Variants in BRIP1 observed in about 807,000 individuals in gnomAD.
BRIP1 encodes the protein Fanconi anemia group J protein.
Under a neutral mutation model 119.7 loss-of-function variants are expected in BRIP1, and 88 were observed. The observed-to-expected ratio is 0.74, with a 90% CI of 0.62 to 0.88. The LOEUF is 0.88. BRIP1 is among the 40% of genes least tolerant of loss of function. The pLI is 0.00. For missense variants in BRIP1, 1,259 were observed against 1,455.4 expected, an observed-to-expected ratio of 0.87 and a Z score of 2.20; for synonymous variants, 443 against 496.5, an observed-to-expected ratio of 0.89 and a Z score of 1.43.
In BRIP1 at chr17:61,720,520, G is replaced by A. The variant is rs1490133906; in HGVS notation, c.2380-4457C>T. On this transcript the variant is annotated intron_variant, in intron 16 of 19. Coordinates refer to ENST00000259008, the MANE Select transcript of BRIP1 (RefSeq NM_032043.3). The surrounding 1 kb of genome is among the most constrained non-coding windows in gnomAD (Gnocchi z 4.3). Reference sequence around the variant, plus strand: ...TTTAAGTTAACTGCGGTCAACTGTGGTCCAAAAATATTAAATAAAAAATTC... The same window carrying A: ...TTTAAGTTAACTGCGGTCAACTGTGATCCAAAAATATTAAATAAAAAATTC... 6.6e-6 allele frequency among the ~76,000 whole-genome samples: 1 copy of A among 152,128 alleles called. No individual in the cohort carries two copies. Among genetic ancestry groups the A allele is most frequent in the African/African-American group, 2.4e-5 (1 of 41,418 alleles).
intron 17 of BRIP1, among the ~76,000 whole-genome samples, chr17:61,712,040 G>A (rs201089029): frequency 2.6e-5 from 4 of 151,880 alleles, no homozygotes; most frequent in Non-Finnish European, 2.9e-5. Context: ...ATGTCTAAGC[G>A]ATACACAAAT....
At chr17:61,784,217 T>A (rs2077665879) in intron 11 of BRIP1, 53 bp downstream of exon 11, 1 of 1,534,614 alleles carries the variant, frequency 6.5e-7, no homozygotes, top group Non-Finnish European at 9.0e-7. Context: ...CATGCTAGCA[T>A]CCAAATTAGG....
rs1357720469 is a variant in BRIP1 at position 61,828,848 on chromosome 17, G to A, written c.627+18253C>T. ...CAAAAATGGCACAAAACATGGGAGAGTAGACACGGAAGTATATTGGCAGAA... is the reference window on the plus strand; with the variant it reads ...CAAAAATGGCACAAAACATGGGAGAATAGACACGGAAGTATATTGGCAGAA... On this transcript the variant is annotated intron_variant, in intron 6 of 19. Transcript: ENST00000259008. This position sits in a 1 kb window ranked among gnomAD's most constrained non-coding sequence, Gnocchi z 4.1. Among the ~76,000 whole-genome samples the A allele has an allele frequency of 6.6e-6, 1 of 152,154 alleles. No individual in the cohort carries two copies. Among genetic ancestry groups the A allele is most frequent in the Non-Finnish European group, 1.5e-5 (1 of 68,014 alleles).
chr17:61,777,961 C>G (rs1001374737), intron 13 of BRIP1, among the ~76,000 whole-genome samples: 1 of 152,128 alleles, frequency 6.6e-6, no homozygotes, highest in African/African-American at 2.4e-5. Context: ...GATCCTGATG[C>G]TACCTAGGAG....
rs1234720528 is a variant in BRIP1, at chr17:61,805,001, T to C, written c.918+3466A>G. On this transcript the variant is annotated intron_variant, in intron 7 of 19. Transcript: ENST00000259008. The surrounding 1 kb of genome is among the most constrained non-coding windows in gnomAD (Gnocchi z 5.6). The stretch of plus-strand genomic sequence containing the variant: ...GTGTGTGTGTGTGTGTGTGTGTGTG[T>C]AAAATTAAATTGTATTTGTATACGT... Among the ~76,000 whole-genome samples, 1 of 141,352 alleles carries C rather than the reference T, an allele frequency of 7.1e-6. No homozygotes were observed. Among genetic ancestry groups the C allele is most frequent in the Non-Finnish European group, 1.5e-5 (1 of 64,716 alleles). The allele number at this position is 141,352 out of a possible 152,430, so 92.7% of individuals were successfully genotyped here.
In BRIP1 at chr17:61,717,087, A is replaced by C. The variant is rs1213638564; in HGVS notation, c.2380-1024T>G. Among the ~76,000 whole-genome samples, 1 of 152,114 alleles carries C rather than the reference A, an allele frequency of 6.6e-6. No homozygotes were observed. The highest frequency in any genetic ancestry group is 2.4e-5 in the African/African-American group (1 of 41,448). On this transcript the variant is annotated intron_variant, in intron 16 of 19. Transcript: ENST00000259008. The surrounding 1 kb of genome is among the most constrained non-coding windows in gnomAD (Gnocchi z 4.1). ...ATCTTTTAATTTTAAATAAGTTTATAATTTTGAAATAAGTTTAGATTTACA... is the reference window on the plus strand; with the variant it reads ...ATCTTTTAATTTTAAATAAGTTTATCATTTTGAAATAAGTTTAGATTTACA...
intron 9 of BRIP1, among the ~76,000 whole-genome samples, chr17:61,797,518 A>G (rs2077919509): frequency 6.6e-6 from 1 of 152,058 alleles, no homozygotes; most frequent in Non-Finnish European, 1.5e-5. Context: ...CACTGCTAAG[A>G]TCGATGAGGG....
In BRIP1 at chr17:61,806,377, G is replaced by A. The variant is rs925772799; in HGVS notation, c.918+2090C>T. Among the ~76,000 whole-genome samples, 4 of 152,260 alleles carry A rather than the reference G, an allele frequency of 2.6e-5. No individual in the cohort carries two copies. Among genetic ancestry groups the A allele is most frequent in the South Asian group, 2.1e-4 (1 of 4,816 alleles). ...AGAAAGAGGATGTTCATGTATGCCC[G>A]TGAGGTAAGCATTCTGAGGCAGAAT... On this transcript the variant is annotated intron_variant, in intron 7 of 19. Coordinates refer to ENST00000259008, the MANE Select transcript of BRIP1 (RefSeq NM_032043.3). The surrounding 1 kb of genome is among the most constrained non-coding windows in gnomAD (Gnocchi z 4.9).
rs1198053489 is a variant in BRIP1, at chr17:61,717,708, T to C, written c.2380-1645A>G. Among the ~76,000 whole-genome samples, 3 of 152,130 alleles carry C rather than the reference T, an allele frequency of 2.0e-5. No individual in the cohort carries two copies. The highest frequency in any genetic ancestry group is 6.5e-5 in the Admixed American group (1 of 15,270). ...TAAGCTTCTTGGACCTGTGGGCTTA[T>C]AGTTTCTATCAAACTTGAAAAATTT... On this transcript the variant is annotated intron_variant, in intron 16 of 19. Transcript: ENST00000259008. The surrounding 1 kb of genome is among the most constrained non-coding windows in gnomAD (Gnocchi z 4.1).
At chr17:61,732,637 T>TA (rs541470292) in intron 16 of BRIP1, among the ~76,000 whole-genome samples, 1 of 152,116 alleles carries the variant, frequency 6.6e-6, no homozygotes, top group Non-Finnish European at 1.5e-5. Flanking sequence ...ATTAAGCTCT[T>TA]AAAAAAAGTT....
rs786201701 is a variant in BRIP1 at position 61,784,346 on chromosome 17, C to T, written c.1552G>A (p.Val518Ile). ...ATTATTTGAGTTGATGCACTAATAACAGGTACTTCTCTTGCCTCCTCTTTA... is the reference window on the plus strand; with the variant it reads ...ATTATTTGAGTTGATGCACTAATAATAGGTACTTCTCTTGCCTCCTCTTTA... ...YGKEEAREVPVISASTQIMLK... is the reference protein window; with the variant it reads ...YGKEEAREVPIISASTQIMLK... The change falls in exon 11 of 20, where the codon GTT (valine) becomes ATT (isoleucine). Residue 518 changes from valine (V) to isoleucine (I), a missense_variant. By Grantham distance (29) the Val-to-Ile change is conservative. Around this residue, in one of 3 missense-constraint regions of BRIP1, gnomAD observed 753 missense variants for 891.8 expected, o/e 0.84. Coordinates refer to ENST00000259008, the MANE Select transcript of BRIP1 (RefSeq NM_032043.3). 4 of 1,613,090 alleles carry T rather than the reference C, an allele frequency of 2.5e-6. No individual in the cohort carries two copies. Among genetic ancestry groups the T allele is most frequent in the Middle Eastern group, 3.3e-4 (2 of 6,030 alleles).
rs79829619 is a variant in BRIP1 at position 61,756,998 on chromosome 17, G to C, written c.2098-12407C>G. Among the ~76,000 whole-genome samples the C allele has an allele frequency of 6.6e-6, 1 of 151,990 alleles. No homozygotes were observed. The highest frequency in any genetic ancestry group is 1.9e-4 in the East Asian group (1 of 5,186). ...TAATTTATTTCATAAGTAGAACCTG[G>C]TATATTTTTCCATCTAAAGATGATT... On this transcript the variant is annotated intron_variant, in intron 14 of 19. Coordinates refer to ENST00000259008, the MANE Select transcript of BRIP1 (RefSeq NM_032043.3). The surrounding 1 kb of genome is among the most constrained non-coding windows in gnomAD (Gnocchi z 4.3).
chr17:61,685,550 ATT>A (rs921492413), intron 19 of BRIP1: 8 of 438,298 alleles, frequency 1.8e-5, no homozygotes, highest in South Asian at 3.7e-5. Flanking sequence ...CTAGGCAGGC[ATT>A]TTTTTTTTCC....
rs1355025760 is a variant in BRIP1, at chr17:61,796,224, T to A, written c.1341-2495A>T. 2.0e-5 allele frequency among the ~76,000 whole-genome samples: 3 copies of A among 152,094 alleles called. No homozygotes were observed. Among genetic ancestry groups the A allele is most frequent in the African/African-American group, 7.2e-5 (3 of 41,444 alleles). On this transcript the variant is annotated intron_variant, in intron 9 of 19. Transcript: ENST00000259008. This position sits in a 1 kb window ranked among gnomAD's most constrained non-coding sequence, Gnocchi z 4.8. ...TGGGTTGCCTCTTCACTTTGTTGAT[T>A]GTTTCCTTTGCTGTGCAGCAGCTTT...
Position 61,751,799 on chromosome 17 carries a change from C to T in BRIP1, c.2098-7208G>A, listed in dbSNP as rs554130765. On this transcript the variant is annotated intron_variant, in intron 14 of 19. Coordinates refer to ENST00000259008, the MANE Select transcript of BRIP1 (RefSeq NM_032043.3). This position sits in a 1 kb window ranked among gnomAD's most constrained non-coding sequence, Gnocchi z 6.7. Reference sequence around the variant, plus strand: ...GATTTTTTTTTTTGAGACAGAGTCTCGCTCTGTCACCCAGGCTGGAGTACA... The same window carrying T: ...GATTTTTTTTTTTGAGACAGAGTCTTGCTCTGTCACCCAGGCTGGAGTACA... Among the ~76,000 whole-genome samples, 2 of 151,852 alleles carry T rather than the reference C, an allele frequency of 1.3e-5. No individual in the cohort carries two copies. The highest frequency in any genetic ancestry group is 2.1e-4 in the South Asian group (1 of 4,812).
rs1426422891 is a variant in BRIP1 at position 61,738,582 on chromosome 17, A to G, written c.2379+4431T>C. ...CCATCAGGTGTCTTTTTTGCATGAC[A>G]GACTGAGATATTGTCTAGGAAGAAT... On this transcript the variant is annotated intron_variant, in intron 16 of 19. Transcript: ENST00000259008. This position sits in a 1 kb window ranked among gnomAD's most constrained non-coding sequence, Gnocchi z 4.2. Among the ~76,000 whole-genome samples, 1 of 152,182 alleles carries G rather than the reference A, an allele frequency of 6.6e-6. No homozygotes were observed. Among genetic ancestry groups the G allele is most frequent in the Non-Finnish European group, 1.5e-5 (1 of 68,020 alleles).
At chr17:61,765,379 T>TTATATATATATATA (rs1287538931) in intron 14 of BRIP1, among the ~76,000 whole-genome samples, 1 of 37,744 alleles carries the variant, frequency 2.6e-5, no homozygotes, top group African/African-American at 1.1e-4. Context: ...TGTGTATATA[T>TTATATATATATATA]TATATATATA....
At position 61,828,756 on chromosome 17, in the gene BRIP1, G is replaced by A. The variant is rs2078446191; in HGVS notation, c.627+18345C>T. On this transcript the variant is annotated intron_variant, in intron 6 of 19. Transcript: ENST00000259008. This position sits in a 1 kb window ranked among gnomAD's most constrained non-coding sequence, Gnocchi z 4.1. ...CTCATTTGTAAATTTGTACATAGCT[G>A]ATGATTTAAACTAAAAATAACAAAA... Among the ~76,000 whole-genome samples, 1 of 152,148 alleles carries A rather than the reference G, an allele frequency of 6.6e-6. No individual in the cohort carries two copies.
rs901034259 is a variant in BRIP1 at position 61,712,467 on chromosome 17, A to C, written c.2492+3484T>G. Among the ~76,000 whole-genome samples the C allele has an allele frequency of 7.9e-5, 12 of 151,408 alleles. No homozygotes were observed. In the East Asian group the frequency reaches 1.2e-3, roughly 15 times the overall value. ...GACCTCAGGTGATCCACCCGCCTCCACCTACCAAAGGGCTGGGATTACAGG... is the reference window on the plus strand; with the variant it reads ...GACCTCAGGTGATCCACCCGCCTCCCCCTACCAAAGGGCTGGGATTACAGG... On this transcript the variant is annotated intron_variant, in intron 17 of 19. Transcript: ENST00000259008.
Sources: gnomAD v4.1 joint callset for allele counts (sites outside exome capture counted in the v4.1 genomes callset) on GRCh38, gnomAD v4.1.1 for gene constraint, gnomAD v4.1.1 regional missense constraint, Gnocchi (gnomAD v3.1) non-coding constraint, MANE v1.5 for transcripts, NCBI Gene and HGNC (gene_info 2026-07-23, HGNC 2026-07-21) for gene names.